SCAPER: variants seen among roughly 807,000 people sequenced by gnomAD.
SCAPER encodes the protein S phase cyclin A-associated protein in the endoplasmic reticulum.
SCAPER carries 98 observed loss-of-function variants against 182.2 expected under a neutral mutation model. The observed-to-expected ratio is 0.54, with a 90% CI of 0.46 to 0.64. The LOEUF is 0.64. SCAPER is among the 30% of genes least tolerant of loss of function. The probability of loss-of-function intolerance (pLI) is 0.00; values close to 1 mark genes in which losing one functional copy is unlikely to be tolerated. For synonymous variants in SCAPER, 605 were observed against 564.6 expected (o/e 1.07, Z -1.01); for missense variants, 1,432 against 1,690.0 (o/e 0.85, Z 2.68).
chr15:76,689,915 T>C (rs1369903479), intron 20 of SCAPER, among the ~76,000 whole-genome samples: 3 of 146,792 alleles, frequency 2.0e-5, no homozygotes, highest in Non-Finnish European at 4.5e-5. Flanking sequence ...TACTAGAATA[T>C]AACTCAAAGT....
In SCAPER at chr15:76,800,379, T is replaced by C. The variant is rs762343208; in HGVS notation, c.495-15A>G. On this transcript the variant is annotated splice_polypyrimidine_tract_variant and intron_variant, in intron 6 of 31. Coordinates refer to ENST00000563290, the MANE Select transcript of SCAPER (RefSeq NM_020843.4). ...ATGATGTTGGTCTGCGAATTCAATA[T>C]ATAAACCAGATTAAATTAACAGAGA... 1.1e-5 allele frequency: 16 copies of C among 1,465,432 alleles called. No individual in the cohort carries two copies. The highest frequency in any genetic ancestry group is 1.4e-5 in the African/African-American group (1 of 72,290). 90.8% of individuals were successfully genotyped at this position (1,465,432 alleles called of 1,614,324 possible).
At chr15:76,519,200 A>C (rs1474261457) in intron 23 of SCAPER, among the ~76,000 whole-genome samples, 1 of 152,260 alleles carries the variant, frequency 6.6e-6, no homozygotes, top group Non-Finnish European at 1.5e-5. Context: ...TTATATTTAC[A>C]CAACGCTTTT....
At chr15:76,881,727 A>C (rs2151952860) in intron 2 of SCAPER, among the ~76,000 whole-genome samples, 1 of 152,314 alleles carries the variant, frequency 6.6e-6, no homozygotes, top group East Asian at 1.9e-4. Flanking sequence ...GGGTGAAGGG[A>C]AATGGGAAAT....
chr15:76,689,492 T>TA (rs1055788979), intron 20 of SCAPER, among the ~76,000 whole-genome samples: 2 of 151,894 alleles, frequency 1.3e-5, no homozygotes, highest in Admixed American at 6.6e-5. Flanking sequence ...AGTAATTTTC[T>TA]AAAAAAATAT....
chr15:76,795,265 T>C lies in SCAPER; in HGVS notation c.772+15A>G. ...CCTGTTTACTACACAAAATGGCTAA[T>C]TCGAAGTCACTTGCCATTTTTGCGT... is the stretch of plus-strand genomic sequence containing the variant. On this transcript the variant is annotated intron_variant, in intron 8 of 31. Coordinates refer to ENST00000563290, the MANE Select transcript of SCAPER (RefSeq NM_020843.4). 1.2e-6 allele frequency: 2 copies of C among 1,602,174 alleles called. No homozygotes were observed. Among genetic ancestry groups the C allele is most frequent in the African/African-American group, 2.7e-5 (2 of 74,610 alleles).
chr15:76,660,804 T>C (rs2056087939), intron 21 of SCAPER, among the ~76,000 whole-genome samples: 2 of 152,050 alleles, frequency 1.3e-5, no homozygotes, highest in Admixed American at 1.3e-4. Context: ...AGATACCATG[T>C]TCATGTACAT....
At chr15:76,874,042 A>G (rs1360226361) in intron 2 of SCAPER, among the ~76,000 whole-genome samples, 1 of 152,002 alleles carries the variant, frequency 6.6e-6, no homozygotes, top group Admixed American at 6.6e-5. Flanking sequence ...ACAGGCGCCC[A>G]GCACCACGCC....
chr15:76,667,625 C>CAAAAAAAAAAAAAAAAAAAA lies in SCAPER; in HGVS notation c.2509-1856_2509-1837dup, dbSNP rs775463270. Among the ~76,000 whole-genome samples, 5 of 27,474 alleles carry CAAAAAAAAAAAAAAAAAAAA rather than the reference C, an allele frequency of 1.8e-4. 1 individual carries two copies. Among genetic ancestry groups the CAAAAAAAAAAAAAAAAAAAA allele is most frequent in the Non-Finnish European group, 1.3e-4 (2 of 15,342 alleles). The allele number at this position is 27,474 out of a possible 152,430, so 18.0% of individuals were successfully genotyped here. On this transcript the variant is annotated intron_variant, in intron 20 of 31. Coordinates refer to ENST00000563290, the MANE Select transcript of SCAPER (RefSeq NM_020843.4). The stretch of plus-strand genomic sequence containing the variant: ...GGGCAACAAGAGCGAGACTCAGTCT[C>CAAAAAAAAAAAAAAAAAAAA]AAAAAAAAAAAAAAAAAAAAAAAAA...
rs547814798 is a variant in SCAPER at position 76,705,488 on chromosome 15, T to A, written c.2247+415A>T. On this transcript the variant is annotated intron_variant, in intron 18 of 31. Transcript: ENST00000563290. ...GGGTGCAGCACACCAGCATGGCACA[T>A]GTATATATATGTAACTAACCTGCAC... 1.4e-4 allele frequency among the ~76,000 whole-genome samples: 21 copies of A among 151,476 alleles called. No individual in the cohort carries two copies. In the South Asian group the frequency reaches 2.9e-3, roughly 21 times the overall value.
intron 1 of SCAPER, among the ~76,000 whole-genome samples, chr15:76,904,391 G>C (rs1044521414): frequency 6.6e-6 from 1 of 152,202 alleles, no homozygotes; most frequent in African/African-American, 2.4e-5. Flanking sequence ...ATTAGTATCT[G>C]TTCGGTAAAA....
Position 76,665,635 on chromosome 15 carries a change from T to A in SCAPER, c.2645+18A>T. ...TCACTAAAAGTTTTTCTTTTGCTTT[T>A]AAGGGTATTTAAGGTACCTGAAGTT... On this transcript the variant is annotated intron_variant, in intron 21 of 31. Transcript: ENST00000563290. 1 of 1,568,042 alleles carries A rather than the reference T, an allele frequency of 6.4e-7. No homozygotes were observed. The highest frequency in any genetic ancestry group is 8.6e-7 in the Non-Finnish European group (1 of 1,164,630).
chr15:76,435,249 C>A (rs74024112), intron 25 of SCAPER, among the ~76,000 whole-genome samples: 1 of 152,146 alleles, frequency 6.6e-6, no homozygotes, highest in Admixed American at 6.6e-5. Flanking sequence ...ACAGCACTAT[C>A]GACTGCATAG....
chr15:76,448,267 C>T lies in SCAPER; in HGVS notation c.3079-13957G>A, dbSNP rs73442155. 4.4e-3 allele frequency among the ~76,000 whole-genome samples: 664 copies of T among 152,186 alleles called. 7 individuals are homozygous for T. The highest frequency in any genetic ancestry group is 0.015 in the African/African-American group (632 of 41,498). ...CTGCTATGGGAAGGGTTACAATTAA[C>T]AGCAGGGAAGGAGGCTATTATATTA... is the stretch of plus-strand genomic sequence containing the variant. On this transcript the variant is annotated intron_variant, in intron 25 of 31. Coordinates refer to ENST00000563290, the MANE Select transcript of SCAPER (RefSeq NM_020843.4).
intron 5 of SCAPER, among the ~76,000 whole-genome samples, chr15:76,839,977 C>G (rs1002414329): frequency 6.6e-6 from 1 of 152,154 alleles, no homozygotes; most frequent in South Asian, 2.1e-4. Flanking sequence ...TTTGATTAAT[C>G]TCTAGGGGTA....
In SCAPER at chr15:76,781,718, C is replaced by T. The variant is rs140387363; in HGVS notation, c.773-6601G>A. Among the ~76,000 whole-genome samples, 1,233 of 152,294 alleles carry T rather than the reference C, an allele frequency of 8.1e-3. 13 individuals are homozygous for T. The highest frequency in any genetic ancestry group is 0.028 in the African/African-American group (1,170 of 41,568). ...GACAGAAACCCTACAATCCAGAAGA[C>T]AGTGGGGGCCAATATTCAACATTAT... On this transcript the variant is annotated intron_variant, in intron 8 of 31. Coordinates refer to ENST00000563290, the MANE Select transcript of SCAPER (RefSeq NM_020843.4).
intron 20 of SCAPER, among the ~76,000 whole-genome samples, chr15:76,667,907 G>A (rs1006781230): frequency 6.6e-6 from 1 of 151,700 alleles, no homozygotes; most frequent in African/African-American, 2.4e-5. Context: ...AGGTTGCAAT[G>A]AGCCAAGATC....
chr15:76,649,542 T>C (rs1462080882), intron 21 of SCAPER, among the ~76,000 whole-genome samples: 1 of 150,810 alleles, frequency 6.6e-6, no homozygotes, highest in Non-Finnish European at 1.5e-5. Context: ...AAAAAATATA[T>C]ATATATGCAT....
In SCAPER at chr15:76,701,982, A is replaced by G. The variant is rs73461346; in HGVS notation, c.2401-117T>C. 1,341 of 587,082 alleles carry G rather than the reference A, an allele frequency of 2.3e-3. 18 individuals are homozygous for G. In the African/African-American group the frequency reaches 0.023, roughly 10 times the overall value. The allele number at this position is 587,082 out of a possible 1,614,324, so 36.4% of individuals were successfully genotyped here. A position where few individuals can be genotyped will look rare whatever the true frequency, so the allele number is the denominator to read the frequency against. On this transcript the variant is annotated intron_variant, in intron 19 of 31. Transcript: ENST00000563290. The stretch of plus-strand genomic sequence containing the variant: ...GAGATCCACCTAGTATTTACATATT[A>G]GTCTTAAAAATAGTTTCCTCAGAAC...
In SCAPER at chr15:76,354,876, C is replaced by T. The variant is rs2040848945; in HGVS notation, c.3856-736G>A. 6.6e-6 allele frequency among the ~76,000 whole-genome samples: 1 copy of T among 152,164 alleles called. No homozygotes were observed. The highest frequency in any genetic ancestry group is 2.1e-4 in the South Asian group (1 of 4,832). ...CCTCTTAATTTACTCCCTAGGCCTC[C>T]ATGATAAACTAAGAAATGTCAAAAT... On this transcript the variant is annotated intron_variant, in intron 29 of 31. Transcript: ENST00000563290. This position sits in a 1 kb window ranked among gnomAD's most constrained non-coding sequence, Gnocchi z 4.4.
Sources: allele counts gnomAD v4.1 joint callset (sites outside exome capture counted in the v4.1 genomes callset), GRCh38; gene constraint gnomAD v4.1.1; non-coding constraint Gnocchi (gnomAD v3.1); transcripts MANE v1.5; gene names NCBI Gene and HGNC (gene_info 2026-07-23, HGNC 2026-07-21).